UTRN: variants seen among roughly 807,000 people sequenced by gnomAD.
UTRN encodes the protein utrophin, also known as dystrophin-related protein 1.
UTRN carries 283 observed loss-of-function variants against 463.9 expected under a neutral mutation model. The ratio of observed to expected loss-of-function variants is 0.61; its 90% CI spans 0.55 to 0.67. The LOEUF is 0.67. UTRN is among the 30% of genes least tolerant of loss of function. The pLI, the probability that UTRN is intolerant of heterozygous loss-of-function variation, is 0.00. For synonymous variants in UTRN, 1,442 were observed against 1,431.5 expected (o/e 1.01, Z -0.17); for missense variants, 3,922 against 4,084.3 (o/e 0.96, Z 1.08).
rs373550427 is a variant in UTRN, at chr6:144,386,960, A to G, written c.80-16163A>G. On this transcript the variant is annotated intron_variant, in intron 2 of 74. Transcript: ENST00000367545. The stretch of plus-strand genomic sequence containing the variant: ...TTAAAAAAATGCTATTTATAGTAGT[A>G]GTTGGCATTTCATCAAAGTACATAA... Among the ~76,000 whole-genome samples, 12 of 152,220 alleles carry G rather than the reference A, an allele frequency of 7.9e-5. No homozygotes were observed. The East Asian group carries it at 1.9e-3, about 24-fold the overall frequency.
At chr6:144,454,669 T>C (rs1022788887) in intron 19 of UTRN, among the ~76,000 whole-genome samples, 2 of 152,196 alleles carry the variant, frequency 1.3e-5, no homozygotes, top group East Asian at 1.9e-4. Context: ...AATATAACTG[T>C]ATAAAAGCAA....
At chr6:144,509,120 G>A (rs1422216425) in intron 34 of UTRN, among the ~76,000 whole-genome samples, 2 of 152,030 alleles carry the variant, frequency 1.3e-5, no homozygotes, top group East Asian at 1.9e-4. Context: ...ATACATTTGT[G>A]TAGTGCAGAA....
At chr6:144,582,710 G>C (rs1802084421) in intron 51 of UTRN, among the ~76,000 whole-genome samples, 1 of 152,138 alleles carries the variant, frequency 6.6e-6, no homozygotes, top group South Asian at 2.1e-4. Flanking sequence ...ATTTCTAATG[G>C]CTTTCCTTCT....
chr6:144,651,447 A>G (rs1043050839), intron 51 of UTRN, among the ~76,000 whole-genome samples: 4 of 152,224 alleles, frequency 2.6e-5, no homozygotes, highest in African/African-American at 7.2e-5. Context: ...AAGCAGCTAG[A>G]TAAGTGTCAT....
intron 2 of UTRN, among the ~76,000 whole-genome samples, chr6:144,306,710 A>C (rs1021157158): frequency 6.6e-6 from 1 of 151,878 alleles, no homozygotes; most frequent in African/African-American, 2.4e-5. Context: ...TGGCAGCTGG[A>C]GTCTTGAGTA....
chr6:144,512,005 CT>C (rs1202767718), intron 35 of UTRN, among the ~76,000 whole-genome samples: 2 of 151,898 alleles, frequency 1.3e-5, no homozygotes, highest in East Asian at 3.9e-4. Flanking sequence ...ATTTAAATTC[CT>C]CAGGATGTGT....
intron 4 of UTRN, among the ~76,000 whole-genome samples, chr6:144,422,728 G>C (rs569960057): frequency 6.6e-6 from 1 of 151,998 alleles, no homozygotes; most frequent in Non-Finnish European, 1.5e-5. Flanking sequence ...TTTATGTGTG[G>C]GGTACTCCAA....
intron 51 of UTRN, among the ~76,000 whole-genome samples, chr6:144,585,974 T>C (rs775298007): frequency 1.3e-5 from 2 of 152,134 alleles, no homozygotes; most frequent in Non-Finnish European, 2.9e-5. Flanking sequence ...CATATTGGCA[T>C]TTTGAAATTC....
intron 1 of UTRN, among the ~76,000 whole-genome samples, chr6:144,290,354 C>A (rs989919410): frequency 6.6e-6 from 1 of 152,198 alleles, no homozygotes. Context: ...CTCCCCCTCT[C>A]CCAGGTAATT....
In UTRN at chr6:144,835,773, T is replaced by C. The variant is rs1053920989; in HGVS notation, c.9666-7T>C. The C allele has an allele frequency of 5.6e-6, 9 of 1,613,642 alleles. No homozygotes were observed. Among genetic ancestry groups the C allele is most frequent in the African/African-American group, 2.7e-5 (2 of 74,918 alleles). On this transcript the variant is annotated splice_polypyrimidine_tract_variant and splice_region_variant and intron_variant, in intron 69 of 74. Transcript: ENST00000367545. ...AGCCTCTGGGTCTGTTTCCTTTGTC[T>C]TGCTAGGGAAGACGAGCACGCCCTC...
intron 33 of UTRN, among the ~76,000 whole-genome samples, chr6:144,497,082 TA>T (rs1308310798): frequency 6.6e-6 from 1 of 152,164 alleles, no homozygotes; most frequent in Middle Eastern, 3.2e-3. Flanking sequence ...CAGGTTTTAG[TA>T]GGCAAATTAC....
chr6:144,308,100 G>A (rs1805912827), intron 2 of UTRN, among the ~76,000 whole-genome samples: 1 of 152,092 alleles, frequency 6.6e-6, no homozygotes, highest in African/African-American at 2.4e-5. Context: ...TTGGTGAGAT[G>A]TCACTCCCTC....
chr6:144,790,616 C>A (rs529941450), intron 62 of UTRN, among the ~76,000 whole-genome samples: 4 of 152,284 alleles, frequency 2.6e-5, no homozygotes, highest in African/African-American at 9.6e-5. Flanking sequence ...GTTAGCCATG[C>A]AGAAGAAAGC....
chr6:144,529,739 G>C (rs954798515), intron 41 of UTRN, among the ~76,000 whole-genome samples: 8 of 152,002 alleles, frequency 5.3e-5, no homozygotes, highest in Non-Finnish European at 1.0e-4. Context: ...CATGGAGAAA[G>C]ACGATATACA....
intron 51 of UTRN, among the ~76,000 whole-genome samples, chr6:144,599,392 C>T (rs960950130): frequency 6.6e-6 from 1 of 151,938 alleles, no homozygotes; most frequent in African/African-American, 2.4e-5. Context: ...GGGTTGGAGG[C>T]GGGAGGTTAT....
chr6:144,778,208 G>C (rs1397839019), intron 60 of UTRN, among the ~76,000 whole-genome samples: 1 of 152,142 alleles, frequency 6.6e-6, no homozygotes, highest in Admixed American at 6.6e-5. Context: ...TTGTAGGAGG[G>C]GAGATCAGGG....
intron 66 of UTRN, among the ~76,000 whole-genome samples, chr6:144,826,336 GTC>G (rs1780182591): frequency 6.6e-6 from 1 of 151,976 alleles, no homozygotes; most frequent in African/African-American, 2.4e-5. Flanking sequence ...TACTTTCTTT[GTC>G]TAAGTAGGTA....
chr6:144,814,154 C>T (rs989079248), intron 65 of UTRN, among the ~76,000 whole-genome samples: 3 of 152,148 alleles, frequency 2.0e-5, no homozygotes, highest in African/African-American at 7.2e-5. Context: ...GAGATGGGGC[C>T]TTGGAAGTGA....
At chr6:144,544,669 T>A (rs1475234490) in intron 46 of UTRN, among the ~76,000 whole-genome samples, 17 of 152,138 alleles carry the variant, frequency 1.1e-4, no homozygotes. Flanking sequence ...TGGTACTCAT[T>A]TCTCAACTAG....
Sources: allele counts gnomAD v4.1 joint callset (sites outside exome capture counted in the v4.1 genomes callset), GRCh38; gene constraint gnomAD v4.1.1; transcripts MANE v1.5; gene names NCBI Gene and HGNC (gene_info 2026-07-23, HGNC 2026-07-21).